KIF1A: variants seen among roughly 807,000 people sequenced by gnomAD.
KIF1A encodes the protein kinesin-like protein KIF1A.
KIF1A carries 46 observed loss-of-function variants against 227.3 expected under a neutral mutation model. The observed-to-expected ratio is 0.20, with a 90% confidence interval of 0.16 to 0.26. The LOEUF is 0.26. Among genes scored for constraint, KIF1A ranks in the 10% least tolerant of loss-of-function variants. KIF1A has a pLI of 1.00. For missense variants in KIF1A, 1,683 were observed against 2,485.9 expected, an observed-to-expected ratio of 0.68 and a Z score of 6.87; for synonymous variants, 1,022 against 1,012.8, an observed-to-expected ratio of 1.01 and a Z score of -0.17.
At chr2:240,761,498 C>G in intron 23 of KIF1A, 121 bp from the exon 24 acceptor site, 1 of 878,274 alleles carries the variant, frequency 1.1e-6, no homozygotes, top group Non-Finnish European at 1.6e-6. Context: ...TGACCCTGTG[C>G]TCTGTGTACA....
Position 240,758,471 on chromosome 2 carries a change from A to G in KIF1A, c.2471T>C (p.Met824Thr). 6.2e-7 allele frequency: 1 copy of G among 1,603,726 alleles called. No homozygotes were observed. The change falls in exon 26 of 49, where the codon ATG (methionine) becomes ACG (threonine). Residue 824 changes from methionine to threonine, a missense_variant. Transcript: ENST00000498729. This position sits in a 1 kb window ranked among gnomAD's most constrained non-coding sequence, Gnocchi z 5.2. ...LRQRLDLMRE[M>T]YDRAAEVPSS... is the part of the protein sequence containing the mutation. ...GGGCACCTCTGCAGCGCGGTCGTAC[A>G]TCTCCCGCATCAGGTCCAGACGCTG...
At chr2:240,787,338 C>G (rs2126087081) in intron 4 of KIF1A, 22 bp from the exon 5 acceptor site, 2 of 1,610,286 alleles carry the variant, frequency 1.2e-6, no homozygotes. Flanking sequence ...GGGGGACAGT[C>G]AGCCAGGGAG....
At position 240,757,336 on chromosome 2, in the gene KIF1A, C is replaced by G. The variant is rs960398919; in HGVS notation, c.2841G>C (p.Leu947=). 6.4e-7 allele frequency: 1 copy of G among 1,550,568 alleles called. No homozygotes were observed. The highest frequency in any genetic ancestry group is 1.4e-5 in the African/African-American group (1 of 73,066). ...TCACCAACCTTCCTACTAAACTGAACAGGGGGGGCCGGTCGTAAAACGGGT... is the reference window on the plus strand; with the variant it reads ...TCACCAACCTTCCTACTAAACTGAAGAGGGGGGGCCGGTCGTAAAACGGGT... ...GRDPFYDRPP[L]FSLVGRAFVY... is the part of the protein sequence containing the mutation. The change falls in exon 27 of 49, where the codon CTG becomes CTC. Residue 947 remains leucine, a synonymous_variant. Transcript: ENST00000498729. This position sits in a 1 kb window ranked among gnomAD's most constrained non-coding sequence, Gnocchi z 6.2.
chr2:240,807,130 G>GTGTATATA (rs1356399506), intron 1 of KIF1A, among the ~76,000 whole-genome samples: 47 of 119,444 alleles, frequency 3.9e-4, no homozygotes, highest in African/African-American at 1.4e-3. Flanking sequence ...GTGTGTGTGT[G>GTGTATATA]TATATATATA....
In KIF1A at chr2:240,766,928, C is replaced by G. The variant is rs772675496; in HGVS notation, c.1671G>C (p.Arg557Ser). Reference protein sequence around the residue: ...EEHCVFRSDSRGGSEAVVTLE... With the variant: ...EEHCVFRSDSSGGSEAVVTLE... ...GGGTGGTGATACCTTCGCTGCCTCC[C>G]CTGGAGTCGCTCCGGAAGACGCAGT... Residue 557 changes from arginine to serine, a missense_variant, in exon 19 of 49, where the codon AGG (arginine) becomes AGC (serine). Transcript: ENST00000498729. This position sits in a 1 kb window ranked among gnomAD's most constrained non-coding sequence, Gnocchi z 5.0. The G allele has an allele frequency of 2.5e-6, 4 of 1,610,122 alleles. No homozygotes were observed. Among genetic ancestry groups the G allele is most frequent in the Non-Finnish European group, 3.4e-6 (4 of 1,178,472 alleles).
chr2:240,820,067 G>T lies in KIF1A; in HGVS notation c.-61+55C>A, dbSNP rs1013908257. Reference sequence around the variant, plus strand: ...GGGCTGCGGGCGCGGGCTGCCGGGCGCAGGTGCGGGGCGAGGGGCGCGGGC... The same window carrying T: ...GGGCTGCGGGCGCGGGCTGCCGGGCTCAGGTGCGGGGCGAGGGGCGCGGGC... On this transcript the variant is annotated intron_variant, in intron 1 of 48. Coordinates refer to ENST00000498729, the MANE Select transcript of KIF1A (RefSeq NM_001244008.2). This position sits in a 1 kb window ranked among gnomAD's most constrained non-coding sequence, Gnocchi z 6.2. 6.6e-6 allele frequency: 1 copy of T among 151,496 alleles called. No individual in the cohort carries two copies. Among genetic ancestry groups the T allele is most frequent in the African/African-American group, 2.4e-5 (1 of 41,066 alleles). The allele number at this position is 151,496 out of a possible 1,614,324, so 9.4% of individuals were successfully genotyped here. A position where few individuals can be genotyped will look rare whatever the true frequency, so the allele number is the denominator to read the frequency against.
intron 27 of KIF1A, among the ~76,000 whole-genome samples, chr2:240,756,638 C>T (rs2049879293): frequency 6.6e-6 from 1 of 152,258 alleles, no homozygotes; most frequent in African/African-American, 2.4e-5. Flanking sequence ...GAGTAGTCCT[C>T]ACCTTTAGAC....
At chr2:240,816,933 C>T (rs1305568415) in intron 1 of KIF1A, among the ~76,000 whole-genome samples, 1 of 152,238 alleles carries the variant, frequency 6.6e-6, no homozygotes, top group Non-Finnish European at 1.5e-5. Context: ...CAGCTGTTCC[C>T]TGGGTTCTTG....
At position 240,766,529 on chromosome 2, in the gene KIF1A, T is replaced by G. The variant is rs960996525; in HGVS notation, c.1684+386A>C. On this transcript the variant is annotated intron_variant, in intron 19 of 48. Transcript: ENST00000498729. The surrounding 1 kb of genome is among the most constrained non-coding windows in gnomAD (Gnocchi z 5.0). ...GCTCACTGTCCTCCCGCCATGAACA[T>G]CCTCCACCCTGGGCCCCAACACGCT... Among the ~76,000 whole-genome samples, 1 of 151,882 alleles carries G rather than the reference T, an allele frequency of 6.6e-6. No individual in the cohort carries two copies. Among genetic ancestry groups the G allele is most frequent in the Non-Finnish European group, 1.5e-5 (1 of 67,952 alleles).
In KIF1A at chr2:240,745,737, C is replaced by T. The variant is rs113841000; in HGVS notation, c.3374+1G>A. 1 of 1,611,300 alleles carries T rather than the reference C, an allele frequency of 6.2e-7. No individual in the cohort carries two copies. Among genetic ancestry groups the T allele is most frequent in the African/African-American group, 1.3e-5 (1 of 74,882 alleles). ...GGGACACAAAGGCAGCAGGGCCTCACTTGAACTGGCAGAAGATGTCGGCAT... is the reference window on the plus strand; with the variant it reads ...GGGACACAAAGGCAGCAGGGCCTCATTTGAACTGGCAGAAGATGTCGGCAT... On this transcript the variant is annotated splice_donor_variant, in intron 31 of 48. Transcript: ENST00000498729. LOFTEE classifies it high-confidence loss of function.
Position 240,719,139 on chromosome 2 carries a change from G to A in KIF1A, c.5081C>T (p.Ala1694Val), listed in dbSNP as rs2044943984. The change falls in exon 47 of 49, where the codon GCC (alanine) becomes GTC (valine). Residue 1694 changes from alanine to valine, a missense_variant. Around this residue, in one of 12 missense-constraint regions of KIF1A, gnomAD observed 384 missense variants for 410.1 expected, o/e 0.94. Transcript: ENST00000498729. ...GCGCCGCACCACCACGAAGCGCCTGGCCCAGCCTGACGTGTGCGGCTCCAG... is the reference window on the plus strand; with the variant it reads ...GCGCCGCACCACCACGAAGCGCCTGACCCAGCCTGACGTGTGCGGCTCCAG... ...HFLEPHTSGWARRFVVVRRPY... is the reference protein window; with the variant it reads ...HFLEPHTSGWVRRFVVVRRPY... 14 of 1,612,418 alleles carry A rather than the reference G, an allele frequency of 8.7e-6. No individual in the cohort carries two copies. Among genetic ancestry groups the A allele is most frequent in the Non-Finnish European group, 1.1e-5 (13 of 1,179,700 alleles).
chr2:240,721,949 C>T, intron 43 of KIF1A, 65 bp from the exon 44 acceptor site: 1 of 1,361,472 alleles, frequency 7.3e-7, no homozygotes. Flanking sequence ...GACAGCCTTG[C>T]AGGCTCTTCT....
chr2:240,745,767 G>C lies in KIF1A; in HGVS notation c.3345C>G (p.Ala1115=), dbSNP rs370286749. 2.7e-3 allele frequency: 4,323 copies of C among 1,612,776 alleles called. 13 individuals carry two copies. Among genetic ancestry groups the C allele is most frequent in the Non-Finnish European group, 3.2e-3 (3,752 of 1,179,608 alleles). Residue 1115 remains alanine, a synonymous_variant, in exon 31 of 49, where the codon GCC becomes GCG. Transcript: ENST00000498729. ...ACTGGCAGAAGATGTCGGCATATTCGGCAGAGATGCTGGACGCCTGCAGGA... is the reference window on the plus strand; with the variant it reads ...ACTGGCAGAAGATGTCGGCATATTCCGCAGAGATGCTGGACGCCTGCAGGA... The part of the protein sequence containing the change: ...VTVLQASSIS[A]EYADIFCQFN...
intron 24 of KIF1A, 65 bp from the exon 25 acceptor site, chr2:240,760,908 G>T: frequency 6.8e-7 from 1 of 1,463,594 alleles, no homozygotes; most frequent in Non-Finnish European, 9.3e-7. Context: ...TCCCCAAAAA[G>T]GCTTCCTTCC....
intron 20 of KIF1A, among the ~76,000 whole-genome samples, chr2:240,765,068 G>A (rs1038467131): frequency 2.0e-5 from 3 of 152,154 alleles, no homozygotes; most frequent in Non-Finnish European, 2.9e-5. Flanking sequence ...ACTACATCTC[G>A]GTACATGTCT....
rs769006305 is a variant in KIF1A at position 240,788,616 on chromosome 2, G to A, written c.184-386C>T. 9.9e-5 allele frequency among the ~76,000 whole-genome samples: 15 copies of A among 152,236 alleles called. No individual in the cohort carries two copies. The highest frequency in any genetic ancestry group is 2.9e-4 in the African/African-American group (12 of 41,536). On this transcript the variant is annotated intron_variant, in intron 3 of 48. Coordinates refer to ENST00000498729, the MANE Select transcript of KIF1A (RefSeq NM_001244008.2). The surrounding 1 kb of genome is among the most constrained non-coding windows in gnomAD (Gnocchi z 6.6). ...GAGACCCCACAGGCTGGGCTACAGC[G>A]CCTGGACACTGTCCTGAGGACAGTG...
At chr2:240,765,429 A>T (rs1166434446) in intron 20 of KIF1A, among the ~76,000 whole-genome samples, 1 of 152,246 alleles carries the variant, frequency 6.6e-6, no homozygotes, top group African/African-American at 2.4e-5. Context: ...CTTCCTAGGC[A>T]GGCACACCCT....
At chr2:240,787,346 G>T in intron 4 of KIF1A, 30 bp from the exon 5 acceptor site, 1 of 1,600,084 alleles carries the variant, frequency 6.2e-7, no homozygotes, top group Non-Finnish European at 8.6e-7. Flanking sequence ...GTCAGCCAGG[G>T]AGGGCTGGGG....
At chr2:240,735,396 C>T (rs955295019) in intron 38 of KIF1A, among the ~76,000 whole-genome samples, 5 of 111,068 alleles carry the variant, frequency 4.5e-5, no homozygotes, top group African/African-American at 1.4e-4. Flanking sequence ...ATGAGCCGCT[C>T]CCTCCTACGT....
Sources: gnomAD v4.1 joint callset for allele counts (sites outside exome capture counted in the v4.1 genomes callset) on GRCh38, gnomAD v4.1.1 for gene constraint, gnomAD v4.1.1 regional missense constraint, Gnocchi (gnomAD v3.1) non-coding constraint, MANE v1.5 for transcripts, NCBI Gene and HGNC (gene_info 2026-07-23, HGNC 2026-07-21) for gene names.